RARB: variants seen among roughly 807,000 people sequenced by gnomAD.
The protein encoded by RARB is HBV-activated protein.
A neutral mutation model predicts 51.9 loss-of-function variants in RARB; 17 were observed. The observed-to-expected ratio is 0.33, with a 90% CI of 0.22 to 0.49. RARB has a LOEUF of 0.49. RARB is among the 20% of genes least tolerant of loss of function. RARB has a pLI of 0.99. For missense variants in RARB, 369 were observed against 550.8 expected, an observed-to-expected ratio of 0.67 and a Z score of 3.30; for synonymous variants, 215 against 195.4, an observed-to-expected ratio of 1.10 and a Z score of -0.84.
chr3:25,541,615 G>T (rs1415363627), intron 3 of RARB, among the ~76,000 whole-genome samples: 2 of 152,216 alleles, frequency 1.3e-5, no homozygotes, highest in Non-Finnish European at 2.9e-5. Context: ...CAAAAAGGGA[G>T]AGTTTAGCTT....
At chr3:24,864,347 T>G (rs1367150245) in intron 2 of RARB, among the ~76,000 whole-genome samples, 1 of 152,226 alleles carries the variant, frequency 6.6e-6, no homozygotes, top group African/African-American at 2.4e-5. Flanking sequence ...GTTGTTCCTT[T>G]GCGTTTTTTC....
At chr3:25,245,837 T>C (rs1427267954) in intron 5 of RARB, among the ~76,000 whole-genome samples, 1 of 152,192 alleles carries the variant, frequency 6.6e-6, no homozygotes, top group African/African-American at 2.4e-5. Flanking sequence ...TGGTGTTCTC[T>C]GTATTTCCTG....
chr3:25,506,135 C>G (rs1258559034), intron 3 of RARB, among the ~76,000 whole-genome samples: 1 of 151,864 alleles, frequency 6.6e-6, no homozygotes, highest in South Asian at 2.1e-4. Flanking sequence ...CTCCTATAAT[C>G]CCAGCTACTC....
chr3:24,975,666 A>G (rs1039641085), intron 2 of RARB, among the ~76,000 whole-genome samples: 4 of 152,146 alleles, frequency 2.6e-5, no homozygotes, highest in Non-Finnish European at 4.4e-5. Context: ...AAACAGTTTT[A>G]TTTGGAGGGT....
At chr3:25,373,057 T>C (rs1461725069) in intron 5 of RARB, among the ~76,000 whole-genome samples, 1 of 151,852 alleles carries the variant, frequency 6.6e-6, no homozygotes, top group Non-Finnish European at 1.5e-5. Context: ...GAATGCAGAG[T>C]GGACAAGAAA....
chr3:25,149,899 T>C (rs1006573219), intron 4 of RARB, among the ~76,000 whole-genome samples: 1 of 152,140 alleles, frequency 6.6e-6, no homozygotes, highest in African/African-American at 2.4e-5. Context: ...GCAGAACATT[T>C]TTTTTTAATC....
chr3:25,421,255 C>A (rs1191346812), intron 5 of RARB, among the ~76,000 whole-genome samples: 1 of 152,060 alleles, frequency 6.6e-6, no homozygotes, highest in East Asian at 1.9e-4. Flanking sequence ...ACCCCCTCCA[C>A]CTGCAGCCTG....
rs1018325098 is a variant in RARB, at chr3:25,325,188, G to A, written c.179-136005G>A. Among the ~76,000 whole-genome samples, 3 of 152,144 alleles carry A rather than the reference G, an allele frequency of 2.0e-5. No homozygotes were observed. In the East Asian group the frequency reaches 5.8e-4, roughly 29 times the overall value. The stretch of plus-strand genomic sequence containing the variant: ...CCCTTCCCCTTTTAAACCATATAGT[G>A]TAGCTTCCTGATGTTGCCATGGCAT... On this transcript the variant is annotated intron_variant, in intron 5 of 11. Transcript: ENST00000383772.
upstream of RARB, among the ~76,000 whole-genome samples, chr3:25,427,236 G>A (rs576839904): frequency 1.3e-5 from 2 of 152,200 alleles, no homozygotes; most frequent in African/African-American, 2.4e-5. Context: ...TCATCTCCCC[G>A]GGGTTTTGTT....
intron 3 of RARB, among the ~76,000 whole-genome samples, chr3:25,063,163 G>C (rs1054275241): frequency 2.0e-5 from 3 of 151,924 alleles, no homozygotes; most frequent in Non-Finnish European, 4.4e-5. Context: ...GCCACAGAAG[G>C]TTTTCCCCAG....
chr3:25,369,663 C>G (rs922998785), intron 5 of RARB, among the ~76,000 whole-genome samples: 2 of 152,216 alleles, frequency 1.3e-5, no homozygotes, highest in Non-Finnish European at 2.9e-5. Context: ...TGGCTCACGC[C>G]TGTAATCCCA....
chr3:25,424,654 G>A (rs1459695046), upstream of RARB, among the ~76,000 whole-genome samples: 1 of 152,158 alleles, frequency 6.6e-6, no homozygotes, highest in African/African-American at 2.4e-5. Flanking sequence ...GTGTCTGCCT[G>A]CACTTTGCAT....
intron 3 of RARB, among the ~76,000 whole-genome samples, chr3:25,511,367 G>A (rs778993119): frequency 9.9e-5 from 15 of 152,142 alleles, no homozygotes; most frequent in Middle Eastern, 3.4e-3. Context: ...TCCTGACCTC[G>A]TGATCTGCCC....
chr3:25,580,683 C>CCAAA lies in RARB; in HGVS notation c.748_751dup (p.Ile251ThrfsTer16). 1 of 1,609,588 alleles carries CCAAA rather than the reference C, an allele frequency of 6.2e-7. No individual in the cohort carries two copies. The highest frequency in any genetic ancestry group is 8.5e-7 in the Non-Finnish European group (1 of 1,176,400). On this transcript the variant is annotated frameshift_variant, in exon 5 of 8. Coordinates refer to ENST00000330688, the MANE Select transcript of RARB (RefSeq NM_000965.5). LOFTEE classifies it high-confidence loss of function. ...GTTTCACTGGCTTGACCATCGCAGA[C>CCAAA]CAAATTACCCTGCTGAAGGCCGCCT...
intron 2 of RARB, among the ~76,000 whole-genome samples, chr3:25,001,674 GTGTATCTAACA>G (rs1318683020): frequency 1.3e-5 from 2 of 152,174 alleles, no homozygotes; most frequent in African/African-American, 4.8e-5. Context: ...ATTCAAAATA[GTGTATCTAACA>G]TGCGAAATGT....
At chr3:25,110,263 T>C (rs573929202) in intron 3 of RARB, among the ~76,000 whole-genome samples, 2 of 152,352 alleles carry the variant, frequency 1.3e-5, no homozygotes, top group South Asian at 4.1e-4. Flanking sequence ...TTGCTTTTGC[T>C]GTTTCCAATA....
At position 24,913,383 on chromosome 3, in the gene RARB, CT is replaced by C. The variant is rs1344012723; in HGVS notation, c.-380+54633del. On this transcript the variant is annotated intron_variant, in intron 2 of 11. Transcript: ENST00000383772. ...TTACAAATGTATGAAGTGACATAGT[CT>C]TCTTTCTCTCTCTCTCTCTTTTTTT... Among the ~76,000 whole-genome samples the C allele has an allele frequency of 1.4e-4, 19 of 135,494 alleles. 1 individual carries two copies. Among genetic ancestry groups the C allele is most frequent in the Non-Finnish European group, 1.9e-4 (12 of 63,914 alleles). 88.9% of individuals were successfully genotyped at this position (135,494 alleles called of 152,430 possible).
At chr3:24,905,935 C>T (rs1325895237) in intron 2 of RARB, among the ~76,000 whole-genome samples, 1 of 152,166 alleles carries the variant, frequency 6.6e-6, no homozygotes, top group Non-Finnish European at 1.5e-5. Context: ...TTGTTAATTT[C>T]CTTGTTAAAA....
intron 1 of RARB, among the ~76,000 whole-genome samples, chr3:25,449,706 C>T (rs946369000): frequency 6.6e-6 from 1 of 151,782 alleles, no homozygotes; most frequent in African/African-American, 2.4e-5. Flanking sequence ...TTTCTTCTTG[C>T]CTGTCAAAAA....
Sources: allele counts gnomAD v4.1 joint callset (sites outside exome capture counted in the v4.1 genomes callset), GRCh38; gene constraint gnomAD v4.1.1; transcripts MANE v1.5; gene names NCBI Gene and HGNC (gene_info 2026-07-23, HGNC 2026-07-21).